CEP112: variants seen among roughly 807,000 people sequenced by gnomAD.
The protein encoded by CEP112 is centrosomal protein of 112 kDa.
In CEP112, 127 loss-of-function variants were observed where a neutral mutation model predicts 153.0. That is an observed-to-expected ratio of 0.83 (90% confidence interval 0.72 to 0.96). CEP112 has a LOEUF of 0.96. CEP112 is among the 40% of genes least tolerant of loss of function. The pLI, the probability that CEP112 is intolerant of heterozygous loss-of-function variation, is 0.00. For synonymous variants in CEP112, 358 were observed against 374.4 expected (o/e 0.96, Z 0.51); for missense variants, 1,089 against 1,101.2 (o/e 0.99, Z 0.16).
intron 17 of CEP112, among the ~76,000 whole-genome samples, chr17:65,970,362 T>TATTACATGCACACACCATGCATGTAA (rs2062647225): frequency 3.0e-5 from 4 of 134,956 alleles, no homozygotes; most frequent in East Asian, 2.0e-4. Context: ...TATGTGCCTA[T>TATTACATGCACACACCATGCATGTAA]ATTACATGCA....
chr17:66,073,139 C>T (rs2067362382), intron 8 of CEP112, among the ~76,000 whole-genome samples: 1 of 152,174 alleles, frequency 6.6e-6, no homozygotes, highest in Non-Finnish European at 1.5e-5. Context: ...TGCAGATCTA[C>T]TTCAGGCTAT....
chr17:66,137,585 C>T (rs151134), intron 4 of CEP112, among the ~76,000 whole-genome samples: 48,966 of 151,936 alleles, frequency 0.32, 9,524 homozygotes, highest in East Asian at 0.83. Flanking sequence ...CAACTCACTA[C>T]ATACAAAGGA....
intron 23 of CEP112, 128 bp downstream of exon 23, chr17:65,742,940 T>C: frequency 1.5e-6 from 1 of 655,522 alleles, no homozygotes; most frequent in Non-Finnish European, 2.5e-6. Context: ...GTCCAGTGAA[T>C]GGAATTACTG....
chr17:65,652,408 T>C (rs1277509787), intron 24 of CEP112, among the ~76,000 whole-genome samples: 1 of 152,162 alleles, frequency 6.6e-6, no homozygotes, highest in African/African-American at 2.4e-5. Flanking sequence ...AAAATTTTTA[T>C]AAGTTGCACA....
intron 24 of CEP112, among the ~76,000 whole-genome samples, chr17:65,642,356 T>C (rs539998892): frequency 3.3e-5 from 5 of 152,304 alleles, no homozygotes; most frequent in Non-Finnish European, 2.9e-5. Flanking sequence ...GATAAGCCTA[T>C]CAATTTGCTG....
intron 21 of CEP112, among the ~76,000 whole-genome samples, chr17:65,843,254 G>A (rs1365522842): frequency 6.6e-6 from 1 of 151,994 alleles, no homozygotes; most frequent in Non-Finnish European, 1.5e-5. Flanking sequence ...ATATTTACAG[G>A]TGCCATTATC....
At chr17:66,087,265 G>A (rs1034460891) in intron 8 of CEP112, among the ~76,000 whole-genome samples, 1 of 152,054 alleles carries the variant, frequency 6.6e-6, no homozygotes, top group Admixed American at 6.6e-5. Context: ...GGGTGGCATT[G>A]GTATGCTGAC....
intron 21 of CEP112, among the ~76,000 whole-genome samples, chr17:65,790,951 G>A (rs772987378): frequency 8.5e-5 from 13 of 152,132 alleles, no homozygotes; most frequent in Non-Finnish European, 1.6e-4. Context: ...GGCACCAACT[G>A]GCATTTTATT....
Position 65,701,240 on chromosome 17 carries a change from C to T in CEP112, c.2608-12022G>A, listed in dbSNP as rs577628548. On this transcript the variant is annotated intron_variant, in intron 23 of 26. Transcript: ENST00000535342. ...CAGGTTGCAGGGCTTGGTCATGCAACGAATGTGCCAGGTGCAAGAAGGAAG... is the reference window on the plus strand; with the variant it reads ...CAGGTTGCAGGGCTTGGTCATGCAATGAATGTGCCAGGTGCAAGAAGGAAG... Among the ~76,000 whole-genome samples, 26 of 152,218 alleles carry T rather than the reference C, an allele frequency of 1.7e-4. No individual in the cohort carries two copies. The South Asian group carries it at 3.7e-3, about 22-fold the overall frequency.
intron 17 of CEP112, among the ~76,000 whole-genome samples, chr17:65,970,734 ATG>A (rs755886814): frequency 8.9e-4 from 59 of 66,496 alleles, no homozygotes; most frequent in Middle Eastern, 7.5e-3. Context: ...TATCACATGC[ATG>A]TGTTAATACA....
intron 6 of CEP112, among the ~76,000 whole-genome samples, chr17:66,112,315 A>C (rs950950702): frequency 4.6e-5 from 7 of 152,084 alleles, no homozygotes; most frequent in Non-Finnish European, 1.0e-4. Context: ...AATTAAAAAA[A>C]CAATGAAAAA....
At chr17:66,182,647 T>C (rs1031829406) in intron 2 of CEP112, among the ~76,000 whole-genome samples, 1 of 152,206 alleles carries the variant, frequency 6.6e-6, no homozygotes, top group East Asian at 1.9e-4. Context: ...TTAAGTTACA[T>C]GAAAATTCTC....
chr17:65,844,697 GT>G (rs2057657997), intron 21 of CEP112, among the ~76,000 whole-genome samples: 1 of 146,912 alleles, frequency 6.8e-6, no homozygotes, highest in East Asian at 2.1e-4. Context: ...AAACCTAAAT[GT>G]TCTAAAATAA....
At chr17:65,641,434 A>C (rs2045127552) in intron 24 of CEP112, among the ~76,000 whole-genome samples, 1 of 152,206 alleles carries the variant, frequency 6.6e-6, no homozygotes, top group Non-Finnish European at 1.5e-5. Flanking sequence ...CTAAGCTGTC[A>C]TCTGAGGACA....
rs367553178 is a variant in CEP112, at chr17:66,146,593, T to C, written c.471-13830A>G. Among the ~76,000 whole-genome samples the C allele has an allele frequency of 2.1e-4, 32 of 152,258 alleles. No individual in the cohort carries two copies. In the East Asian group the frequency reaches 6.2e-3, roughly 29 times the overall value. On this transcript the variant is annotated intron_variant, in intron 4 of 26. Transcript: ENST00000535342. Reference sequence around the variant, plus strand: ...GGTATTAAGTATATTCACATTGTTGTGCAATAATCTCCACCATCTGTCTCC... The same window carrying C: ...GGTATTAAGTATATTCACATTGTTGCGCAATAATCTCCACCATCTGTCTCC...
chr17:65,988,102 C>A (rs2063470401), intron 17 of CEP112, among the ~76,000 whole-genome samples: 1 of 152,178 alleles, frequency 6.6e-6, no homozygotes, highest in African/African-American at 2.4e-5. Flanking sequence ...CCTAACCCGC[C>A]TTCCCACACT....
chr17:65,767,182 G>A (rs1428535056), intron 21 of CEP112, among the ~76,000 whole-genome samples: 1 of 151,972 alleles, frequency 6.6e-6, no homozygotes, highest in African/African-American at 2.4e-5. Context: ...ATCATGTCAA[G>A]TATTATTTCT....
intron 21 of CEP112, among the ~76,000 whole-genome samples, chr17:65,791,793 G>A (rs113838993): frequency 1.3e-5 from 2 of 152,008 alleles, no homozygotes; most frequent in African/African-American, 2.4e-5. Context: ...AGACAGCATC[G>A]CTACAAGAAT....
chr17:65,994,568 A>G (rs938768662), intron 17 of CEP112, among the ~76,000 whole-genome samples: 2 of 152,172 alleles, frequency 1.3e-5, no homozygotes, highest in African/African-American at 4.8e-5. Flanking sequence ...GCCTCAAGCA[A>G]TCTTCCTGCC....
Sources: allele counts gnomAD v4.1 joint callset (sites outside exome capture counted in the v4.1 genomes callset), GRCh38; gene constraint gnomAD v4.1.1; transcripts MANE v1.5; gene names NCBI Gene and HGNC (gene_info 2026-07-23, HGNC 2026-07-21).